The following TCF7 variants were observed in gnomAD, a reference collection of about 807,000 sequenced individuals.
TCF7 encodes transcription factor 7.
Under a neutral mutation model 46.8 loss-of-function variants are expected in TCF7, and 19 were observed. That is an observed-to-expected ratio of 0.41 (90% CI 0.28 to 0.60). TCF7 has a LOEUF of 0.60. TCF7 is among the 20% of genes least tolerant of loss of function. The pLI is 0.35. For synonymous variants in TCF7, 245 were observed against 213.4 expected (o/e 1.15, Z -1.29); for missense variants, 547 against 504.6 (o/e 1.08, Z -0.81).
intron 9 of TCF7, 124 bp from the exon 10 acceptor site, chr5:134,146,099 AC>A (rs1760659956): frequency 1.9e-6 from 3 of 1,602,362 alleles, no homozygotes; most frequent in Non-Finnish European, 2.6e-6. Context: ...CTGACTTACC[AC>A]CCAAGTCCCA....
chr5:134,114,932 G>T lies in TCF7; in HGVS notation c.26G>T (p.Gly9Val), dbSNP rs1458970791. Residue 9 changes from glycine to valine, a missense_variant, in exon 1 of 10, where the codon GGC becomes GTC. Physicochemically the swap from Gly to Val is moderately radical, Grantham distance 109 (BLOSUM62 -3). Coordinates refer to ENST00000342854, the MANE Select transcript of TCF7 (RefSeq NM_003202.5). ...ATGCCGCAGCTGGACTCCGGCGGGG[G>T]CGGCGCGGGCGGCGGCGACGACCTC... MPQLDSGG[G>V]GAGGGDDLGA... 9.2e-7 allele frequency: 1 copy of T among 1,084,726 alleles called. No individual in the cohort carries two copies. Among genetic ancestry groups the T allele is most frequent in the South Asian group, 2.6e-5 (1 of 39,026 alleles). 67.2% of individuals were successfully genotyped at this position (1,084,726 alleles called of 1,614,324 possible).
At chr5:134,115,762 G>A in intron 2 of TCF7, 147 bp from the exon 3 acceptor site, 2 of 1,470,814 alleles carry the variant, frequency 1.4e-6, no homozygotes, top group Non-Finnish European at 1.8e-6. Context: ...CTAAAACTTG[G>A]CACTGCCGAT....
At position 134,138,190 on chromosome 5, in the gene TCF7, C is replaced by T. The variant is rs1256389741; in HGVS notation, c.547+26C>T. ...GTACAAGCCTGGGATGGGGAGGGGCCCAGTGAAACCAGAGCCTAAGGGCCA... is the reference window on the plus strand; with the variant it reads ...GTACAAGCCTGGGATGGGGAGGGGCTCAGTGAAACCAGAGCCTAAGGGCCA... On this transcript the variant is annotated intron_variant, in intron 4 of 9. Transcript: ENST00000342854. 3 of 1,599,592 alleles carry T rather than the reference C, an allele frequency of 1.9e-6. 1 individual carries two copies. Among genetic ancestry groups the T allele is most frequent in the Non-Finnish European group, 2.6e-6 (3 of 1,167,530 alleles).
chr5:134,122,789 CAG>C (rs1198671728), intron 3 of TCF7, among the ~76,000 whole-genome samples: 1 of 152,194 alleles, frequency 6.6e-6, no homozygotes, highest in Non-Finnish European at 1.5e-5. Context: ...GTGGAGGAAA[CAG>C]GTGTTTTATC....
intron 3 of TCF7, chr5:134,123,783 G>T (rs1474713106): frequency 8.8e-6 from 4 of 456,350 alleles, no homozygotes; most frequent in Non-Finnish European, 1.8e-5. Flanking sequence ...CCCACCCACA[G>T]ATGGTGTGAA....
chr5:134,116,056 G>A (rs1157272438), intron 3 of TCF7, 23 bp downstream of exon 3: 1 of 1,599,854 alleles, frequency 6.3e-7, no homozygotes, highest in Non-Finnish European at 8.5e-7. Context: ...CGCAGCCAGT[G>A]CCGCCCTGTG....
chr5:134,139,191 T>A, intron 5 of TCF7, 153 bp downstream of exon 5: 1 of 1,248,694 alleles, frequency 8.0e-7, no homozygotes, highest in Non-Finnish European at 1.1e-6. Flanking sequence ...TGTCCTAACC[T>A]GGCTCTGAGC....
Position 134,142,274 on chromosome 5 carries a change from A to G in TCF7, c.725A>G (p.Lys242Arg), listed in dbSNP as rs1239102378. The change falls in exon 6 of 10, where the codon AAG (lysine) becomes AGG (arginine). Residue 242 changes from lysine to arginine, a missense_variant. Coordinates refer to ENST00000342854, the MANE Select transcript of TCF7 (RefSeq NM_003202.5). ...PHPAIVPPSG[K>R]QELQPFDRNL... The stretch of plus-strand genomic sequence containing the variant: ...CCGGCCATTGTGCCCCCCTCAGGGA[A>G]GCAGGAGCTGCAGCCCTTCGACCGC... 6.3e-6 allele frequency: 10 copies of G among 1,599,642 alleles called. No individual in the cohort carries two copies. The highest frequency in any genetic ancestry group is 7.7e-6 in the Non-Finnish European group (9 of 1,170,604).
At chr5:134,130,690 T>C (rs1008562913) in intron 3 of TCF7, among the ~76,000 whole-genome samples, 3 of 152,162 alleles carry the variant, frequency 2.0e-5, no homozygotes, top group African/African-American at 7.2e-5. Context: ...AGGTAGGATG[T>C]CCTGAGTCCA....
intron 4 of TCF7, chr5:134,138,521 A>G (rs181378074): frequency 4.2e-5 from 12 of 287,132 alleles, no homozygotes; most frequent in African/African-American, 2.6e-4. Flanking sequence ...GCCTCAGGCA[A>G]AGTCATTCTG....
rs193299762 is a variant in TCF7 at position 134,126,413 on chromosome 5, C to T, written c.441+10380C>T. Among the ~76,000 whole-genome samples the T allele has an allele frequency of 2.9e-3, 447 of 152,300 alleles. 3 individuals carry two copies. Among genetic ancestry groups the T allele is most frequent in the African/African-American group, 9.8e-3 (408 of 41,564 alleles). Reference sequence around the variant, plus strand: ...GGATGGAGTTGGGACCAGAAAGGGCCGGAGAGGATCTGTGGGGCCCAGGCC... The same window carrying T: ...GGATGGAGTTGGGACCAGAAAGGGCTGGAGAGGATCTGTGGGGCCCAGGCC... On this transcript the variant is annotated intron_variant, in intron 3 of 9. Coordinates refer to ENST00000342854, the MANE Select transcript of TCF7 (RefSeq NM_003202.5).
At chr5:134,138,879 T>G in intron 4 of TCF7, 72 bp from the exon 5 acceptor site, 1 of 1,595,044 alleles carries the variant, frequency 6.3e-7, no homozygotes, top group South Asian at 1.1e-5. Flanking sequence ...TAGGAGGTTC[T>G]AGGATGCAGT....
Position 134,116,206 on chromosome 5 carries a change from G to A in TCF7, c.441+173G>A, listed in dbSNP as rs994520411. 2.2e-5 allele frequency: 31 copies of A among 1,384,190 alleles called. No individual in the cohort carries two copies. The Admixed American group carries it at 9.1e-4, about 40-fold the overall frequency. The allele number at this position is 1,384,190 out of a possible 1,614,324, so 85.7% of individuals were successfully genotyped here. A position where few individuals can be genotyped will look rare whatever the true frequency, so the allele number is the denominator to read the frequency against. On this transcript the variant is annotated intron_variant, in intron 3 of 9. Transcript: ENST00000342854. ...AACCAAAAGGAGAACTTTGCTGAAG[G>A]AAGGAGGGGCCGCCCTGGGGCACCC...
intron 3 of TCF7, among the ~76,000 whole-genome samples, chr5:134,122,669 C>T (rs1378871643): frequency 1.3e-5 from 2 of 152,210 alleles, no homozygotes; most frequent in East Asian, 3.8e-4. Flanking sequence ...GCAAGGCAAG[C>T]CGCAGCCCCC....
At chr5:134,144,873 G>T in intron 9 of TCF7, 1 of 1,613,816 alleles carries the variant, frequency 6.2e-7, no homozygotes, top group Non-Finnish European at 8.5e-7. Context: ...CGTGCAGGTG[G>T]GTTTGTCCCC....
At chr5:134,140,431 T>G (rs572043449) in intron 5 of TCF7, 1 of 203,216 alleles carries the variant, frequency 4.9e-6, no homozygotes, top group Admixed American at 5.8e-5. Flanking sequence ...AAGGAAGACC[T>G]GAAGGATGAC....
chr5:134,114,617 G>A (rs989448810), upstream of TCF7: 5 of 151,442 alleles, frequency 3.3e-5, no homozygotes, highest in African/African-American at 1.2e-4. Flanking sequence ...GGAGAGGAGA[G>A]GCGGGGCGGA....
At chr5:134,111,087 G>T (rs1482286120), upstream of TCF7, among the ~76,000 whole-genome samples, 2 of 152,194 alleles carry the variant, frequency 1.3e-5, no homozygotes, top group Non-Finnish European at 2.9e-5. Context: ...ACAGAGCAGG[G>T]CAGGCCTGCG....
At chr5:134,112,035 C>A (rs975105401), upstream of TCF7, among the ~76,000 whole-genome samples, 1 of 152,112 alleles carries the variant, frequency 6.6e-6, no homozygotes, top group Non-Finnish European at 1.5e-5. Context: ...TGAGGTTGGT[C>A]GTTGTGTAGA....
Sources: allele counts gnomAD v4.1 joint callset (sites outside exome capture counted in the v4.1 genomes callset), GRCh38; gene constraint gnomAD v4.1.1; transcripts MANE v1.5; gene names NCBI Gene and HGNC (gene_info 2026-07-23, HGNC 2026-07-21).